Variants in CSMD1 observed in about 807,000 individuals in gnomAD.
CSMD1 encodes CUB and sushi domain-containing protein 1.
A neutral mutation model predicts 417.5 loss-of-function variants in CSMD1; 213 were observed. The ratio of observed to expected loss-of-function variants is 0.51; its 90% CI spans 0.46 to 0.57. The LOEUF (loss-of-function observed/expected upper bound fraction) is 0.57. Among genes scored for constraint, CSMD1 ranks in the 20% least tolerant of loss-of-function variants. The pLI, the probability that CSMD1 is intolerant of heterozygous loss-of-function variation, is 0.00. For synonymous variants in CSMD1, 2,862 were observed against 1,736.8 expected (o/e 1.65, Z -16.11); for missense variants, 6,923 against 4,529.7 (o/e 1.53, Z -15.17).
At position 3,162,174 on chromosome 8, in the gene CSMD1, G is replaced by A. The variant is rs145598896; in HGVS notation, c.5829C>T (p.Pro1943=). Residue 1943 remains proline (P), a synonymous_variant, in exon 38 of 70, where the codon CCC becomes CCT. Transcript: ENST00000635120. ...VNDVLSFQCE[P]GYTLQGRSHI... is the part of the protein sequence containing the mutation. ...AGAAGGATACCTGCAGGGTGTACCC[G>A]GGCTCGCACTGGAAGGAGAGCACGT... 1.2e-3 allele frequency: 1,863 copies of A among 1,605,154 alleles called. 1 individual carries two copies. The highest frequency in any genetic ancestry group is 2.6e-3 in the African/African-American group (191 of 74,864).
intron 54 of CSMD1, among the ~76,000 whole-genome samples, chr8:2,982,086 T>G (rs1470067572): frequency 3.3e-5 from 5 of 152,174 alleles, no homozygotes; most frequent in African/African-American, 4.8e-5. Flanking sequence ...CCAGGTGCGG[T>G]GGCTCACACC....
intron 2 of CSMD1, among the ~76,000 whole-genome samples, chr8:4,487,587 C>G (rs1238358281): frequency 6.6e-6 from 1 of 152,058 alleles, no homozygotes; most frequent in African/African-American, 2.4e-5. Context: ...TGGGTTGGTT[C>G]CAAGTCTTTG....
intron 12 of CSMD1, among the ~76,000 whole-genome samples, chr8:3,411,680 A>C (rs900891593): frequency 1.4e-5 from 1 of 70,662 alleles, no homozygotes; most frequent in East Asian, 2.7e-4. Flanking sequence ...GTGTATATAT[A>C]CGTGTATATA....
chr8:3,166,577 G>C (rs1291247682), intron 37 of CSMD1, among the ~76,000 whole-genome samples: 2 of 152,100 alleles, frequency 1.3e-5, no homozygotes, highest in East Asian at 3.9e-4. Context: ...TAATCAACAA[G>C]TCTGCCTTTC....
At chr8:4,067,775 G>A (rs1469343224) in intron 3 of CSMD1, among the ~76,000 whole-genome samples, 1 of 152,120 alleles carries the variant, frequency 6.6e-6, no homozygotes, top group African/African-American at 2.4e-5. Context: ...ACGTTTTCCT[G>A]TAAACAGAAT....
Position 4,273,428 on chromosome 8 carries a change from C to T in CSMD1, c.415+146525G>A, listed in dbSNP as rs148224331. ...TGCAACCCTGCTCAGGTCAATTATA[C>T]TTTTTTATCTTCAACTCTGGGGTTT... On this transcript the variant is annotated intron_variant, in intron 3 of 69. Transcript: ENST00000635120. Among the ~76,000 whole-genome samples, 1,047 of 152,134 alleles carry T rather than the reference C, an allele frequency of 6.9e-3. 11 individuals are homozygous for T. The highest frequency in any genetic ancestry group is 0.024 in the African/African-American group (1,001 of 41,530).
chr8:4,139,429 A>G (rs1803640775), intron 3 of CSMD1, among the ~76,000 whole-genome samples: 2 of 144,808 alleles, frequency 1.4e-5, no homozygotes, highest in South Asian at 2.1e-4. Context: ...GAGGTAAAGA[A>G]CGAAGGAAGA....
intron 7 of CSMD1, among the ~76,000 whole-genome samples, chr8:3,658,464 G>GCA (rs1554502334): frequency 6.9e-6 from 1 of 144,176 alleles, no homozygotes. Context: ...TATATATATT[G>GCA]TGTATATATA....
chr8:4,815,976 G>C (rs376011222), intron 1 of CSMD1, among the ~76,000 whole-genome samples: 3 of 151,962 alleles, frequency 2.0e-5, no homozygotes, highest in East Asian at 1.9e-4. Flanking sequence ...AAATGAGAAA[G>C]GCATTCCAGA....
chr8:3,262,228 T>C (rs183461400), intron 26 of CSMD1, among the ~76,000 whole-genome samples: 10,688 of 78,038 alleles, frequency 0.14, 1,062 homozygotes, highest in Admixed American at 0.21. Context: ...TATATATATA[T>C]ATACACACAC....
rs142798165 is a variant in CSMD1 at position 3,702,816 on chromosome 8, G to A, written c.1009+5598C>T. ...CACACTCCAGCCTGGGTGACAGAAC[G>A]AGACTCTGTCTCAATAACAAACAAA... On this transcript the variant is annotated intron_variant, in intron 7 of 69. Transcript: ENST00000635120. Among the ~76,000 whole-genome samples, 37 of 152,260 alleles carry A rather than the reference G, an allele frequency of 2.4e-4. No individual in the cohort carries two copies. The Middle Eastern group carries it at 0.01, about 42-fold the overall frequency.
At chr8:4,224,461 G>A (rs1403942352) in intron 3 of CSMD1, among the ~76,000 whole-genome samples, 1 of 151,170 alleles carries the variant, frequency 6.6e-6, no homozygotes, top group African/African-American at 2.4e-5. Flanking sequence ...GCCAGGTTGG[G>A]GAATAGTTGC....
chr8:3,496,641 C>T (rs1045648206), intron 10 of CSMD1, among the ~76,000 whole-genome samples: 1 of 152,108 alleles, frequency 6.6e-6, no homozygotes, highest in African/African-American at 2.4e-5. Context: ...GCTTGGCAAA[C>T]AGAGTGAAAC....
intron 49 of CSMD1, among the ~76,000 whole-genome samples, chr8:3,073,784 A>G (rs1813464374): frequency 7.6e-6 from 1 of 130,996 alleles, no homozygotes; most frequent in East Asian, 2.2e-4. Context: ...TATAATGGTC[A>G]AAAAATTACC....
chr8:4,966,488 C>A (rs1176903308), intron 1 of CSMD1, among the ~76,000 whole-genome samples: 1 of 152,148 alleles, frequency 6.6e-6, no homozygotes, highest in African/African-American at 2.4e-5. Context: ...CAATGGGACA[C>A]ATCGCGAGGC....
chr8:4,459,508 T>C (rs1004533176), intron 2 of CSMD1, among the ~76,000 whole-genome samples: 3 of 152,258 alleles, frequency 2.0e-5, no homozygotes, highest in African/African-American at 7.2e-5. Context: ...CAAAAATAAA[T>C]GGAAATTGTG....
chr8:4,462,166 C>A (rs972050781), intron 2 of CSMD1, among the ~76,000 whole-genome samples: 14 of 152,134 alleles, frequency 9.2e-5, no homozygotes, highest in Non-Finnish European at 7.3e-5. Context: ...TGAGCCACCA[C>A]ACTCAGCCAC....
At chr8:3,430,748 A>G (rs1030482974) in intron 12 of CSMD1, among the ~76,000 whole-genome samples, 6 of 152,202 alleles carry the variant, frequency 3.9e-5, no homozygotes, top group Admixed American at 3.9e-4. Context: ...TGGAGGTTGC[A>G]GTGAGCAGCG....
intron 12 of CSMD1, among the ~76,000 whole-genome samples, chr8:3,439,124 A>AG: frequency 9.9e-6 from 1 of 101,340 alleles, no homozygotes; most frequent in Non-Finnish European, 1.9e-5. Flanking sequence ...CTCCATCTCA[A>AG]AAAAAAAAAA....
Sources: allele counts gnomAD v4.1 joint callset (sites outside exome capture counted in the v4.1 genomes callset), GRCh38; gene constraint gnomAD v4.1.1; transcripts MANE v1.5; gene names NCBI Gene and HGNC (gene_info 2026-07-23, HGNC 2026-07-21).